Variants in MATR3 observed in about 807,000 individuals in gnomAD.
MATR3 encodes the protein matrin 3.
A neutral mutation model predicts 85.5 loss-of-function variants in MATR3; 4 were observed. The ratio of observed to expected loss-of-function variants is 0.05; its 90% CI spans 0.02 to 0.11. The LOEUF is 0.11. Among genes scored for constraint, MATR3 ranks in the 10% least tolerant of loss-of-function variants. The pLI is 1.00. For synonymous variants in MATR3, 336 were observed against 343.1 expected (o/e 0.98, Z 0.23); for missense variants, 685 against 1,016.1 (o/e 0.67, Z 4.43).
At position 139,327,304 on chromosome 5, in the gene MATR3, GT is replaced by G. The variant is rs1194649334; in HGVS notation, c.2493+1037del. On this transcript the variant is annotated intron_variant, in intron 14 of 14. Coordinates refer to ENST00000394805, the MANE Select transcript of MATR3 (RefSeq NM_018834.6). ...AAGTTCTTGGCTGTGTGTCACTTCT[GT>G]TTTTTTTTTTTTTTTTAAATGTAAC... Among the ~76,000 whole-genome samples the G allele has an allele frequency of 5.9e-3, 706 of 119,064 alleles. 1 individual carries two copies. Among genetic ancestry groups the G allele is most frequent in the Admixed American group, 0.011 (135 of 12,214 alleles). 78.1% of individuals were successfully genotyped at this position (119,064 alleles called of 152,430 possible).
In MATR3 at chr5:139,304,572, T is replaced by C. The variant is rs541484248; in HGVS notation, c.-177-2667T>C. Among the ~76,000 whole-genome samples, 13 of 152,018 alleles carry C rather than the reference T, an allele frequency of 8.6e-5. No individual in the cohort carries two copies. The South Asian group carries it at 2.7e-3, about 32-fold the overall frequency. On this transcript the variant is annotated intron_variant, in intron 1 of 14. Transcript: ENST00000394805. ...ATTTGTGTAGTGAAATTGTGGGTAATGTTGATAGTTTTTAGGGGGGTGCAG... is the reference window on the plus strand; with the variant it reads ...ATTTGTGTAGTGAAATTGTGGGTAACGTTGATAGTTTTTAGGGGGGTGCAG...
rs149285251 is a variant in MATR3 at position 139,304,968 on chromosome 5, T to C, written c.-177-2271T>C. 6.1e-3 allele frequency among the ~76,000 whole-genome samples: 931 copies of C among 152,346 alleles called. 9 individuals carry two copies. The highest frequency in any genetic ancestry group is 0.021 in the African/African-American group (889 of 41,574). Reference sequence around the variant, plus strand: ...ATGCTTTTTCAACAATGTTGCCACATCTGGTTTCTCCCAACTTTGTTCTAA... The same window carrying C: ...ATGCTTTTTCAACAATGTTGCCACACCTGGTTTCTCCCAACTTTGTTCTAA... On this transcript the variant is annotated intron_variant, in intron 1 of 14. Coordinates refer to ENST00000394805, the MANE Select transcript of MATR3 (RefSeq NM_018834.6).
At chr5:139,300,112 C>A (rs1283141799) in intron 1 of MATR3, 1 of 152,276 alleles carries the variant, frequency 6.6e-6, no homozygotes, top group Admixed American at 6.5e-5. Context: ...CACCTGTAAT[C>A]CCAGCACTTT....
chr5:139,331,007 T>C lies in MATR3; in HGVS notation c.*1612T>C. ...GGCTTTGCCATGTTGCCCAGGTTGA[T>C]CTTGAATTCCTGGGCCCAAGTGATC... On this transcript the variant is annotated 3_prime_UTR_variant, in exon 15 of 15. Transcript: ENST00000394805. 2.2e-6 allele frequency: 1 copy of C among 454,104 alleles called. No homozygotes were observed. Among genetic ancestry groups the C allele is most frequent in the Non-Finnish European group, 4.4e-6 (1 of 226,786 alleles). 28.1% of individuals were successfully genotyped at this position (454,104 alleles called of 1,614,324 possible).
At position 139,322,897 on chromosome 5, in the gene MATR3, A is replaced by G; in HGVS notation, c.2078A>G (p.Lys693Arg). 1 of 1,613,902 alleles carries G rather than the reference A, an allele frequency of 6.2e-7. No individual in the cohort carries two copies. The highest frequency in any genetic ancestry group is 8.5e-7 in the Non-Finnish European group (1 of 1,179,946). ...GGTGATGTGGCTTCTGATGGGAAAA[A>G]GGAACCATCAGATAAAGCTGTGAAA... The part of the protein sequence containing the change: ...NLGDVASDGK[K>R]EPSDKAVKKD... Residue 693 changes from lysine to arginine, a missense_variant, in exon 12 of 15, where the codon AAG (lysine) becomes AGG (arginine). By Grantham distance (26) the Lys-to-Arg change is conservative. Around this residue, in one of 9 missense-constraint regions of MATR3, gnomAD observed 215 missense variants for 194.7 expected, o/e 1.10. Transcript: ENST00000394805.
At chr5:139,305,497 A>G (rs1754662238) in intron 1 of MATR3, among the ~76,000 whole-genome samples, 1 of 152,176 alleles carries the variant, frequency 6.6e-6, no homozygotes, top group South Asian at 2.1e-4. Context: ...ATACTTCAAC[A>G]TTTTTATTTT....
At chr5:139,281,540 G>T (rs1391378304) in intron 3 of MATR3, among the ~76,000 whole-genome samples, 1 of 151,678 alleles carries the variant, frequency 6.6e-6, no homozygotes, top group Non-Finnish European at 1.5e-5. Flanking sequence ...TAGAGATGGG[G>T]TTTTGCCATG....
intron 5 of MATR3, 78 bp downstream of exon 5, chr5:139,316,266 A>G (rs1379564071): frequency 4.5e-6 from 5 of 1,109,700 alleles, no homozygotes; most frequent in Non-Finnish European, 6.8e-6. Flanking sequence ...TTTATTTGAG[A>G]TGGGGTTTTG....
chr5:139,330,941 C>G lies in MATR3; in HGVS notation c.*1546C>G. The stretch of plus-strand genomic sequence containing the variant: ...GAGTAGCTGGGACTACAGGCTCATG[C>G]CACTATACCTGGCTAGTTTTTGGTT... On this transcript the variant is annotated 3_prime_UTR_variant, in exon 15 of 15. Coordinates refer to ENST00000394805, the MANE Select transcript of MATR3 (RefSeq NM_018834.6). 1 of 454,002 alleles carries G rather than the reference C, an allele frequency of 2.2e-6. No individual in the cohort carries two copies. Among genetic ancestry groups the G allele is most frequent in the Non-Finnish European group, 4.4e-6 (1 of 226,760 alleles). The allele number at this position is 454,002 out of a possible 1,614,324, so 28.1% of individuals were successfully genotyped here.
intron 1 of MATR3, among the ~76,000 whole-genome samples, chr5:139,301,704 T>C (rs943297076): frequency 2.0e-5 from 3 of 152,202 alleles, no homozygotes; most frequent in African/African-American, 7.2e-5. Flanking sequence ...GTAGTTCAAA[T>C]AGACAATGAA....
Position 139,317,581 on chromosome 5 carries a change from T to C in MATR3, c.1183-15T>C, listed in dbSNP as rs1561939229. On this transcript the variant is annotated splice_polypyrimidine_tract_variant and intron_variant, in intron 6 of 14. Transcript: ENST00000394805. The stretch of plus-strand genomic sequence containing the variant: ...AAGAGACTTAATTGCTTGGTTTTTT[T>C]CCCCTAATGGATAGGAAACTAGCAG... 5.6e-6 allele frequency: 9 copies of C among 1,596,368 alleles called. No individual in the cohort carries two copies. The highest frequency in any genetic ancestry group is 2.2e-5 in the South Asian group (2 of 90,004).
chr5:139,278,232 A>AATAT, intron 2 of MATR3: 4 of 317,728 alleles, frequency 1.3e-5, no homozygotes, highest in African/African-American at 4.4e-5. Flanking sequence ...TATCTCAAAA[A>AATAT]ATATATATAT....
chr5:139,302,381 TGTA>T (rs2151946633), intron 1 of MATR3, among the ~76,000 whole-genome samples: 1 of 152,222 alleles, frequency 6.6e-6, no homozygotes, highest in Admixed American at 6.5e-5. Flanking sequence ...AGGAAAAAAA[TGTA>T]GTTCTTCAGC....
chr5:139,284,152 T>G (rs1019419866), intron 3 of MATR3, among the ~76,000 whole-genome samples: 3 of 152,204 alleles, frequency 2.0e-5, no homozygotes, highest in Non-Finnish European at 4.4e-5. Context: ...AATATCATGC[T>G]TTTCAGTAAT....
intron 9 of MATR3, among the ~76,000 whole-genome samples, chr5:139,321,337 G>A (rs1755555681): frequency 6.6e-6 from 1 of 151,938 alleles, no homozygotes; most frequent in Non-Finnish European, 1.5e-5. Context: ...ATTTGTAGTA[G>A]AGATGGGGTT....
At chr5:139,320,572 C>CAG (rs1235236090) in intron 9 of MATR3, among the ~76,000 whole-genome samples, 1 of 152,124 alleles carries the variant, frequency 6.6e-6, no homozygotes, top group African/African-American at 2.4e-5. Context: ...CACTGTACTT[C>CAG]AGCATAGGCA....
At chr5:139,288,648 T>A (rs76794804) in intron 3 of MATR3, among the ~76,000 whole-genome samples, 1 of 144,814 alleles carries the variant, frequency 6.9e-6, no homozygotes, top group Non-Finnish European at 1.5e-5. Flanking sequence ...ACATCATCTC[T>A]TTTTTTTTTT....
chr5:139,289,061 C>T (rs1367045673), upstream of MATR3, among the ~76,000 whole-genome samples: 1 of 152,158 alleles, frequency 6.6e-6, no homozygotes, highest in African/African-American at 2.4e-5. Context: ...GGATTACAGG[C>T]GTGAGCCACC....
chr5:139,328,961 C>T (rs1037287604), intron 14 of MATR3, among the ~76,000 whole-genome samples: 2 of 151,676 alleles, frequency 1.3e-5, no homozygotes, highest in African/African-American at 4.9e-5. Flanking sequence ...GCCGAGATCA[C>T]GACACTGCAC....
Sources: gnomAD v4.1 joint callset for allele counts (sites outside exome capture counted in the v4.1 genomes callset) on GRCh38, gnomAD v4.1.1 for gene constraint, gnomAD v4.1.1 regional missense constraint, MANE v1.5 for transcripts, NCBI Gene and HGNC (gene_info 2026-07-23, HGNC 2026-07-21) for gene names.